CSMD1: variants seen among roughly 807,000 people sequenced by gnomAD.
The protein encoded by CSMD1 is CUB and Sushi multiple domains 1.
In CSMD1, 213 loss-of-function variants were observed where a neutral mutation model predicts 417.5. That is an observed-to-expected ratio of 0.51 (90% confidence interval 0.46 to 0.57). The LOEUF is 0.57. CSMD1 is among the 20% of genes least tolerant of loss of function. The pLI is 0.00. For missense variants in CSMD1, 6,923 were observed against 4,529.7 expected, an observed-to-expected ratio of 1.53 and a Z score of -15.17; for synonymous variants, 2,862 against 1,736.8, an observed-to-expected ratio of 1.65 and a Z score of -16.11.
intron 1 of CSMD1, among the ~76,000 whole-genome samples, chr8:4,686,713 C>T (rs1024052576): frequency 5.9e-5 from 9 of 152,184 alleles, no homozygotes; most frequent in Non-Finnish European, 1.0e-4. Context: ...AATTTGTAGG[C>T]TTTTAACTAT....
At chr8:4,884,811 T>G (rs1029036481) in intron 1 of CSMD1, among the ~76,000 whole-genome samples, 3 of 152,076 alleles carry the variant, frequency 2.0e-5, no homozygotes, top group Non-Finnish European at 2.9e-5. Context: ...TCTCTAACTT[T>G]ATTCCCCCTT....
chr8:2,991,291 T>C (rs1245166932), intron 54 of CSMD1, among the ~76,000 whole-genome samples: 5 of 152,252 alleles, frequency 3.3e-5, no homozygotes, highest in Non-Finnish European at 7.3e-5. Context: ...TTAGGTTATA[T>C]ACATTATTTA....
chr8:3,727,743 A>C (rs573798567), intron 6 of CSMD1, among the ~76,000 whole-genome samples: 8 of 152,228 alleles, frequency 5.3e-5, no homozygotes, highest in Admixed American at 2.6e-4. Flanking sequence ...ATGGATAAAG[A>C]TAATGTGATC....
At chr8:3,808,089 G>T (rs1347747483) in intron 5 of CSMD1, among the ~76,000 whole-genome samples, 2 of 152,008 alleles carry the variant, frequency 1.3e-5, no homozygotes, top group African/African-American at 4.8e-5. Context: ...TTTGATTATA[G>T]AAGACCTGTT....
In CSMD1 at chr8:4,838,079, T is replaced by G. The variant is rs375211189; in HGVS notation, c.85+156253A>C. Among the ~76,000 whole-genome samples, 34 of 152,240 alleles carry G rather than the reference T, an allele frequency of 2.2e-4. 1 individual carries two copies. In the South Asian group the frequency reaches 3.7e-3, roughly 17 times the overall value. On this transcript the variant is annotated intron_variant, in intron 1 of 69. Transcript: ENST00000635120. ...TGACCAGGAAGGGACATAGTGGATT[T>G]GCCGGTAATAAAAATTAGTGAGAAT... is the stretch of plus-strand genomic sequence containing the variant.
chr8:3,617,109 T>C (rs544890816), intron 7 of CSMD1, among the ~76,000 whole-genome samples: 32 of 152,232 alleles, frequency 2.1e-4, no homozygotes, highest in African/African-American at 7.7e-4. Context: ...ATTAACAGCA[T>C]GATCAGAAAA....
chr8:4,475,898 C>G (rs959226906), intron 2 of CSMD1, among the ~76,000 whole-genome samples: 4 of 152,138 alleles, frequency 2.6e-5, no homozygotes, highest in Non-Finnish European at 5.9e-5. Flanking sequence ...CAGGCTTGAG[C>G]CACCTCACCT....
chr8:3,127,008 G>A lies in CSMD1; in HGVS notation c.6242-8421C>T, dbSNP rs377161302. Among the ~76,000 whole-genome samples the A allele has an allele frequency of 4.3e-4, 66 of 152,184 alleles. 1 individual carries two copies. The highest frequency in any genetic ancestry group is 8.5e-4 in the Non-Finnish European group (58 of 68,038). ...ATGGATCATTTAAAGGAGAAGGTGA[G>A]AGTGTTGCTTTTGCTTTCAGAAAAC... is the stretch of plus-strand genomic sequence containing the variant. On this transcript the variant is annotated intron_variant, in intron 41 of 69. Transcript: ENST00000635120.
intron 1 of CSMD1, among the ~76,000 whole-genome samples, chr8:4,914,583 GAAAAAA>G (rs59293226): frequency 7.5e-6 from 1 of 133,684 alleles, no homozygotes; most frequent in Admixed American, 7.6e-5. Context: ...CTCCCAAAAA[GAAAAAA>G]AAAAAAAAAA....
chr8:3,646,843 C>T (rs1420419117), intron 7 of CSMD1, among the ~76,000 whole-genome samples: 1 of 152,152 alleles, frequency 6.6e-6, no homozygotes, highest in Non-Finnish European at 1.5e-5. Flanking sequence ...CCGCTGGCTG[C>T]TTGCCTCTCT....
chr8:3,040,696 G>T (rs1005575278), intron 50 of CSMD1, among the ~76,000 whole-genome samples: 1 of 152,032 alleles, frequency 6.6e-6, no homozygotes, highest in African/African-American at 2.4e-5. Context: ...CCAGCCACTC[G>T]GGAGGCTGAG....
intron 3 of CSMD1, among the ~76,000 whole-genome samples, chr8:4,270,648 G>A (rs369174154): frequency 6.6e-6 from 1 of 152,156 alleles, no homozygotes; most frequent in Non-Finnish European, 1.5e-5. Flanking sequence ...CTCAAATGAA[G>A]ATCGCGTGTC....
At chr8:4,316,462 T>C (rs1798934940) in intron 3 of CSMD1, among the ~76,000 whole-genome samples, 1 of 152,186 alleles carries the variant, frequency 6.6e-6, no homozygotes, top group African/African-American at 2.4e-5. Flanking sequence ...CGCCATTACT[T>C]TCGATGCTGA....
At chr8:4,362,627 T>C (rs948528413) in intron 3 of CSMD1, among the ~76,000 whole-genome samples, 8 of 152,184 alleles carry the variant, frequency 5.3e-5, no homozygotes, top group African/African-American at 1.9e-4. Flanking sequence ...TTTTCACCAG[T>C]TTGCTACCCC....
In CSMD1 at chr8:3,865,423, C is replaced by T. The variant is rs534236680; in HGVS notation, c.819-111381G>A. On this transcript the variant is annotated intron_variant, in intron 5 of 69. Coordinates refer to ENST00000635120, the MANE Select transcript of CSMD1 (RefSeq NM_033225.6). ...CTCCTTGCACAGCTCTGCCTGCAAG[C>T]GAGACTGTGAGGGCTCAGAGGCAGA... Among the ~76,000 whole-genome samples, 368 of 152,150 alleles carry T rather than the reference C, an allele frequency of 2.4e-3. 1 individual carries two copies. Among genetic ancestry groups the T allele is most frequent in the African/African-American group, 3.4e-3 (142 of 41,494 alleles).
chr8:4,194,433 A>T (rs993103970), intron 3 of CSMD1, among the ~76,000 whole-genome samples: 8 of 152,178 alleles, frequency 5.3e-5, no homozygotes, highest in Non-Finnish European at 1.0e-4. Context: ...ATATCTAACA[A>T]TAAATGGTGA....
chr8:3,298,926 G>C (rs1399350643), intron 25 of CSMD1, among the ~76,000 whole-genome samples: 1 of 152,096 alleles, frequency 6.6e-6, no homozygotes, highest in African/African-American at 2.4e-5. Flanking sequence ...TTGTGAACAA[G>C]CCACATGGCA....
At chr8:3,802,908 A>G (rs968744049) in intron 5 of CSMD1, among the ~76,000 whole-genome samples, 1 of 152,176 alleles carries the variant, frequency 6.6e-6, no homozygotes, top group Non-Finnish European at 1.5e-5. Context: ...ACAAAGGAAA[A>G]CAGGAATTTT....
At chr8:4,834,869 A>C (rs962094026) in intron 1 of CSMD1, among the ~76,000 whole-genome samples, 6 of 145,754 alleles carry the variant, frequency 4.1e-5, no homozygotes, top group Admixed American at 3.6e-4. Context: ...AGGCAGGAGA[A>C]AGGCGGAAAC....
Sources: gnomAD v4.1 joint callset for allele counts (sites outside exome capture counted in the v4.1 genomes callset) on GRCh38, gnomAD v4.1.1 for gene constraint, MANE v1.5 for transcripts, NCBI Gene and HGNC (gene_info 2026-07-23, HGNC 2026-07-21) for gene names.